CSMD3: variants seen among roughly 807,000 people sequenced by gnomAD.
The protein encoded by CSMD3 is CUB and sushi domain-containing protein 3.
In CSMD3, 177 loss-of-function variants were observed where a neutral mutation model predicts 435.2. The ratio of observed to expected loss-of-function variants is 0.41; its 90% CI spans 0.36 to 0.46. CSMD3 has a LOEUF of 0.46. Among genes scored for constraint, CSMD3 ranks in the 20% least tolerant of loss-of-function variants. The pLI is 0.34. For synonymous variants in CSMD3, 1,656 were observed against 1,520.5 expected, an observed-to-expected ratio of 1.09 and a Z score of -2.07; for missense variants, 4,265 against 4,504.6, an observed-to-expected ratio of 0.95 and a Z score of 1.52.
chr8:112,548,454 T>C (rs968688065), intron 27 of CSMD3, among the ~76,000 whole-genome samples: 2 of 152,190 alleles, frequency 1.3e-5, no homozygotes, highest in Non-Finnish European at 2.9e-5. Flanking sequence ...GCATTTAGTA[T>C]GTACAAAGCA....
intron 3 of CSMD3, among the ~76,000 whole-genome samples, chr8:113,223,821 GA>G (rs201166904): frequency 5.8e-4 from 83 of 144,138 alleles, no homozygotes; most frequent in Admixed American, 9.1e-4. Flanking sequence ...TGTATATAAG[GA>G]AAAAAAAACA....
At chr8:113,069,739 G>T (rs73702285) in intron 5 of CSMD3, among the ~76,000 whole-genome samples, 2 of 152,032 alleles carry the variant, frequency 1.3e-5, no homozygotes, top group Non-Finnish European at 2.9e-5. Context: ...AGTTAGGCAG[G>T]TTCATGTAAC....
rs1487455288 is a variant in CSMD3 at position 113,030,479 on chromosome 8, G to A, written c.918-11300C>T. 5.7e-5 allele frequency among the ~76,000 whole-genome samples: 8 copies of A among 140,992 alleles called. 1 individual carries two copies. The highest frequency in any genetic ancestry group is 2.1e-4 in the African/African-American group (8 of 38,092). 92.5% of individuals were successfully genotyped at this position (140,992 alleles called of 152,430 possible). A position where few individuals can be genotyped will look rare whatever the true frequency, so the allele number is the denominator to read the frequency against. ...TGTAGGCCAATGGAACAAAATAGAG[G>A]ATGCAGAAATAAACCCAAATCCTTA... On this transcript the variant is annotated intron_variant, in intron 5 of 70. Transcript: ENST00000297405.
rs531564280 is a variant in CSMD3 at position 112,606,263 on chromosome 8, G to C, written c.3716-19028C>G. Among the ~76,000 whole-genome samples, 9 of 152,228 alleles carry C rather than the reference G, an allele frequency of 5.9e-5. No homozygotes were observed. In the South Asian group the frequency reaches 1.9e-3, roughly 32 times the overall value. ...GATTTCTCCTACATGGAAAGTAAAG[G>C]CATAGTGACTGAGTGCCTGACACCT... is the stretch of plus-strand genomic sequence containing the variant. On this transcript the variant is annotated intron_variant, in intron 22 of 70. Coordinates refer to ENST00000297405, the MANE Select transcript of CSMD3 (RefSeq NM_198123.2).
chr8:113,015,800 A>G (rs1039366723), intron 6 of CSMD3, among the ~76,000 whole-genome samples: 3 of 151,894 alleles, frequency 2.0e-5, no homozygotes, highest in African/African-American at 7.2e-5. Flanking sequence ...AGTAAATATG[A>G]CAATGTATTC....
intron 5 of CSMD3, among the ~76,000 whole-genome samples, chr8:113,082,252 C>T (rs1289399398): frequency 6.6e-6 from 1 of 152,174 alleles, no homozygotes; most frequent in Non-Finnish European, 1.5e-5. Context: ...GGGCCCATCA[C>T]CCCCACTGCT....
chr8:112,416,983 C>T (rs898326452), intron 32 of CSMD3, among the ~76,000 whole-genome samples: 2 of 152,114 alleles, frequency 1.3e-5, no homozygotes, highest in Admixed American at 6.6e-5. Context: ...GGAGTAAGGG[C>T]AGCAGGTCTC....
chr8:113,032,155 T>G, intron 5 of CSMD3, among the ~76,000 whole-genome samples: 1 of 151,672 alleles, frequency 6.6e-6, no homozygotes, highest in Middle Eastern at 3.4e-3. Flanking sequence ...GAGTTGGTAC[T>G]AGTAGAGCGA....
chr8:112,739,302 C>T (rs908733897), intron 13 of CSMD3, among the ~76,000 whole-genome samples: 2 of 151,574 alleles, frequency 1.3e-5, no homozygotes, highest in Non-Finnish European at 3.0e-5. Context: ...CTGCAGTTTC[C>T]TATTCTTCCA....
chr8:112,699,730 C>T (rs2076346001), intron 13 of CSMD3, among the ~76,000 whole-genome samples: 2 of 152,190 alleles, frequency 1.3e-5, no homozygotes, highest in South Asian at 4.1e-4. Context: ...TTTTGTGATA[C>T]ATCTGTCAAG....
intron 22 of CSMD3, among the ~76,000 whole-genome samples, chr8:112,611,787 T>C (rs1485353064): frequency 6.6e-6 from 1 of 152,176 alleles, no homozygotes; most frequent in African/African-American, 2.4e-5. Flanking sequence ...CAAGTGTGCA[T>C]ACAAAATACA....
intron 1 of CSMD3, among the ~76,000 whole-genome samples, chr8:113,332,141 A>G (rs1193238050): frequency 2.0e-5 from 3 of 151,634 alleles, no homozygotes; most frequent in Non-Finnish European, 4.4e-5. Flanking sequence ...ACACTATACT[A>G]TAATCTATTA....
At chr8:112,365,933 C>T (rs914642745) in intron 38 of CSMD3, among the ~76,000 whole-genome samples, 6 of 152,112 alleles carry the variant, frequency 3.9e-5, no homozygotes, top group African/African-American at 1.4e-4. Context: ...TCAAGGGATG[C>T]CAAAACTTTT....
chr8:112,996,208 T>C (rs1473371631), intron 6 of CSMD3, among the ~76,000 whole-genome samples: 1 of 151,456 alleles, frequency 6.6e-6, no homozygotes, highest in African/African-American at 2.4e-5. Context: ...CTTGAACTTA[T>C]ACCTCCCATA....
intron 1 of CSMD3, among the ~76,000 whole-genome samples, chr8:113,432,522 C>G (rs1235298624): frequency 1.3e-5 from 2 of 152,234 alleles, no homozygotes; most frequent in African/African-American, 2.4e-5. Flanking sequence ...TGTTTAATTT[C>G]TTCTGCTCTC....
intron 4 of CSMD3, among the ~76,000 whole-genome samples, chr8:113,153,174 A>AGAAG (rs2091864529): frequency 1.5e-5 from 1 of 64,848 alleles, no homozygotes; most frequent in South Asian, 6.6e-4. Context: ...AAGGAAGGAA[A>AGAAG]GAAGGAAGGG....
chr8:113,354,254 CAACTT>C (rs1452488611), intron 1 of CSMD3, among the ~76,000 whole-genome samples: 1 of 152,050 alleles, frequency 6.6e-6, no homozygotes, highest in Non-Finnish European at 1.5e-5. Context: ...CATAATTGGT[CAACTT>C]AACTTAGTTT....
At chr8:112,351,390 G>A (rs1410833336) in intron 39 of CSMD3, 146 bp from the exon 40 acceptor site, 2 of 598,410 alleles carry the variant, frequency 3.3e-6, no homozygotes, top group African/African-American at 3.7e-5. Flanking sequence ...ATCTTAGCAT[G>A]ATTAAAGTAA....
intron 1 of CSMD3, among the ~76,000 whole-genome samples, chr8:113,424,633 A>G (rs1033352886): frequency 6.6e-6 from 1 of 151,518 alleles, no homozygotes; most frequent in African/African-American, 2.4e-5. Flanking sequence ...ACAAATGATT[A>G]TATTATTGTA....
Sources: gnomAD v4.1 joint callset for allele counts (sites outside exome capture counted in the v4.1 genomes callset) on GRCh38, gnomAD v4.1.1 for gene constraint, MANE v1.5 for transcripts, NCBI Gene and HGNC (gene_info 2026-07-23, HGNC 2026-07-21) for gene names.